HAT1: variants seen among roughly 807,000 people sequenced by gnomAD.
HAT1 encodes histone acetyltransferase type B catalytic subunit.
HAT1 carries 20 observed loss-of-function variants against 56.6 expected under a neutral mutation model. That is an observed-to-expected ratio of 0.35 (90% CI 0.25 to 0.51). HAT1 has a LOEUF of 0.51. HAT1 is among the 20% of genes least tolerant of loss of function. The pLI, the probability that HAT1 is intolerant of heterozygous loss-of-function variation, is 0.95. For synonymous variants in HAT1, 146 were observed against 165.5 expected, an observed-to-expected ratio of 0.88 and a Z score of 0.91; for missense variants, 408 against 504.3, an observed-to-expected ratio of 0.81 and a Z score of 1.83.
chr2:171,978,171 T>G (rs1257619178), intron 9 of HAT1, among the ~76,000 whole-genome samples: 1 of 150,234 alleles, frequency 6.7e-6, no homozygotes, highest in African/African-American at 2.5e-5. Context: ...CTCAAATGAC[T>G]CTCCCACCTC....
rs140335062 is a variant in HAT1, at chr2:171,975,284, T to C, written c.824-873T>C. On this transcript the variant is annotated intron_variant, in intron 8 of 10. Transcript: ENST00000264108. ...CACTCATGGCTAATTTTTATATTTT[T>C]AGTAGAGATGGAGTTTCACCATGTT... 5.9e-5 allele frequency among the ~76,000 whole-genome samples: 9 copies of C among 152,152 alleles called. No individual in the cohort carries two copies. In the East Asian group the frequency reaches 1.7e-3, roughly 29 times the overall value.
chr2:171,978,569 A>T (rs1022140127), intron 9 of HAT1, among the ~76,000 whole-genome samples: 67 of 142,120 alleles, frequency 4.7e-4, no homozygotes, highest in South Asian at 8.6e-4. Flanking sequence ...TCACATTTTC[A>T]CATCCTTCTC....
intron 4 of HAT1, among the ~76,000 whole-genome samples, chr2:171,959,864 G>A (rs1329952463): frequency 6.6e-6 from 1 of 152,184 alleles, no homozygotes; most frequent in Non-Finnish European, 1.5e-5. Context: ...AATGATAAAG[G>A]AGGAACCAGC....
chr2:171,950,330 C>T (rs960290332), intron 3 of HAT1, among the ~76,000 whole-genome samples: 1 of 151,620 alleles, frequency 6.6e-6, no homozygotes, highest in South Asian at 2.1e-4. Flanking sequence ...TGTGCCACCA[C>T]ACCCAGCTAA....
intron 4 of HAT1, chr2:171,965,078 A>G (rs1446918241): frequency 1.1e-5 from 4 of 369,788 alleles, no homozygotes; most frequent in African/African-American, 2.1e-5. Flanking sequence ...GGAAATGTCC[A>G]TAGCATTGCC....
chr2:171,923,659 G>A (rs1459426506), intron 1 of HAT1: 1 of 152,176 alleles, frequency 6.6e-6, no homozygotes, highest in Non-Finnish European at 1.5e-5. Flanking sequence ...ATGTGGGATA[G>A]ACAAGCTGTT....
intron 2 of HAT1, among the ~76,000 whole-genome samples, chr2:171,943,342 C>G (rs1212721055): frequency 2.4e-5 from 3 of 126,826 alleles, no homozygotes; most frequent in Non-Finnish European, 4.7e-5. Context: ...ACCCGGGAGG[C>G]AGAGGTTGCA....
intron 8 of HAT1, among the ~76,000 whole-genome samples, chr2:171,969,706 A>G (rs1687767501): frequency 6.6e-6 from 1 of 152,194 alleles, no homozygotes; most frequent in Admixed American, 6.5e-5. Flanking sequence ...ATCAGTCATA[A>G]TGGCTTATTT....
At chr2:171,938,772 G>A (rs549351201) in intron 2 of HAT1, among the ~76,000 whole-genome samples, 269 of 151,800 alleles carry the variant, frequency 1.8e-3, no homozygotes, top group African/African-American at 6.4e-3. Flanking sequence ...ACAGGGTCTT[G>A]CTCTATTGTC....
chr2:171,947,234 A>G (rs1335205474), intron 3 of HAT1, among the ~76,000 whole-genome samples: 1 of 152,056 alleles, frequency 6.6e-6, no homozygotes, highest in Non-Finnish European at 1.5e-5. Flanking sequence ...TAAGCAGTTG[A>G]GAGAAGTTTA....
At position 171,970,496 on chromosome 2, in the gene HAT1, C is replaced by CTTTTTTTTTTTTTTTTTTT. The variant is rs61462189; in HGVS notation, c.823+3570_823+3588dup. On this transcript the variant is annotated intron_variant, in intron 8 of 10. Transcript: ENST00000264108. ...TAAATCAGTATTAGCAATGCAGTTTCTTTTTTTTTTTTTTTTTTTTTTTTT... is the reference window on the plus strand; with the variant it reads ...TAAATCAGTATTAGCAATGCAGTTTCTTTTTTTTTTTTTTTTTTTTTTTTTTTTTTTTTTTTTTTTTTTT... 5.3e-5 allele frequency among the ~76,000 whole-genome samples: 4 copies of CTTTTTTTTTTTTTTTTTTT among 74,988 alleles called. 1 individual carries two copies. Among genetic ancestry groups the CTTTTTTTTTTTTTTTTTTT allele is most frequent in the African/African-American group, 2.0e-4 (3 of 14,796 alleles). 49.2% of individuals were successfully genotyped at this position (74,988 alleles called of 152,430 possible).
In HAT1 at chr2:171,939,141, C is replaced by T. The variant is rs73976533; in HGVS notation, c.113-7567C>T. ...TCACCTGACTTATTCAAAAATGGGT[C>T]ACGGATCCATTCCTTCCCAGTTCAG... On this transcript the variant is annotated intron_variant, in intron 2 of 10. Transcript: ENST00000264108. Among the ~76,000 whole-genome samples, 513 of 152,268 alleles carry T rather than the reference C, an allele frequency of 3.4e-3. 2 individuals carry two copies. The highest frequency in any genetic ancestry group is 0.011 in the African/African-American group (463 of 41,554).
chr2:171,953,811 A>G (rs1328285469), intron 4 of HAT1, among the ~76,000 whole-genome samples: 7 of 151,976 alleles, frequency 4.6e-5, no homozygotes, highest in African/African-American at 1.2e-4. Context: ...TCTGGCCAAC[A>G]TGGTGAAACC....
intron 9 of HAT1, among the ~76,000 whole-genome samples, chr2:171,977,593 TAAAA>T (rs1405514395): frequency 8.3e-6 from 1 of 120,188 alleles, no homozygotes; most frequent in South Asian, 3.0e-4. Context: ...GGTGCTTTCT[TAAAA>T]AAAGAATTCA....
In HAT1 at chr2:171,976,297, AAAAT is replaced by A. The variant is rs747023516; in HGVS notation, c.971_974del (p.Asn324SerfsTer15). On this transcript the variant is annotated frameshift_variant, in exon 9 of 11. Transcript: ENST00000264108. LOFTEE classifies it high-confidence loss of function. ...GGTGATAGAGGCACAACAGAAGTTC[AAAAT>A]AAATAAGGTATTTTTATTCTGTAGG... The A allele has an allele frequency of 6.4e-7, 1 of 1,563,924 alleles. No homozygotes were observed. The highest frequency in any genetic ancestry group is 1.2e-5 in the South Asian group (1 of 82,430).
At chr2:171,936,671 C>G (rs919966869) in intron 2 of HAT1, among the ~76,000 whole-genome samples, 1 of 152,088 alleles carries the variant, frequency 6.6e-6, no homozygotes, top group Admixed American at 6.6e-5. Context: ...CCTCATTTTG[C>G]AGATTGTTTG....
chr2:171,983,049 C>CA (rs200227351), intron 10 of HAT1, 136 bp from the exon 11 acceptor site: 9,806 of 443,072 alleles, frequency 0.022, no homozygotes, highest in South Asian at 0.028. Flanking sequence ...CAAAACAAAA[C>CA]AAAAAAAAAA....
chr2:171,966,526 A>AT lies in HAT1; in HGVS notation c.716+14dup. 1 of 1,101,888 alleles carries AT rather than the reference A, an allele frequency of 9.1e-7. No individual in the cohort carries two copies. 68.3% of individuals were successfully genotyped at this position (1,101,888 alleles called of 1,614,324 possible). ...GGCCACGTGTAAGGTAATTGGCAGT[A>AT]TAACACGTGCCTTGTCTTTTATTTC... On this transcript the variant is annotated intron_variant, in intron 7 of 10. Coordinates refer to ENST00000264108, the MANE Select transcript of HAT1 (RefSeq NM_003642.4).
chr2:171,965,525 TA>T lies in HAT1; in HGVS notation c.489+11del. On this transcript the variant is annotated intron_variant, in intron 5 of 10. Coordinates refer to ENST00000264108, the MANE Select transcript of HAT1 (RefSeq NM_003642.4). The stretch of plus-strand genomic sequence containing the variant: ...ACCTTTCAGATATATAAGGTAAAGA[TA>T]AATCTAAATATTTATTGAGTAAAGT... The T allele has an allele frequency of 6.8e-7, 1 of 1,480,426 alleles. No homozygotes were observed. The highest frequency in any genetic ancestry group is 9.3e-7 in the Non-Finnish European group (1 of 1,079,624). The allele number at this position is 1,480,426 out of a possible 1,614,324, so 91.7% of individuals were successfully genotyped here.
Sources: gnomAD v4.1 joint callset for allele counts (sites outside exome capture counted in the v4.1 genomes callset) on GRCh38, gnomAD v4.1.1 for gene constraint, MANE v1.5 for transcripts, NCBI Gene and HGNC (gene_info 2026-07-23, HGNC 2026-07-21) for gene names.